SLC28A3: variants seen among roughly 807,000 people sequenced by gnomAD.
SLC28A3 encodes the protein concentrative Na(+)-nucleoside cotransporter 3.
A neutral mutation model predicts 84.2 loss-of-function variants in SLC28A3; 68 were observed. The observed-to-expected ratio is 0.81, with a 90% CI of 0.66 to 0.99. SLC28A3 has a LOEUF of 0.99. Among genes scored for constraint, SLC28A3 ranks in the 50% least tolerant of loss-of-function variants. SLC28A3 has a pLI of 0.00. For synonymous variants in SLC28A3, 267 were observed against 303.6 expected (o/e 0.88, Z 1.25); for missense variants, 712 against 841.5 (o/e 0.85, Z 1.90).
the SLC28A3 span, among the ~76,000 whole-genome samples, chr9:84,356,048 GGCTCAA>G: frequency 2.0e-5 from 3 of 151,924 alleles, no homozygotes; most frequent in South Asian, 6.2e-4. Context: ...CAAACTCTTG[GGCTCAA>G]GCAATCCGAC....
chr9:84,322,981 G>T (rs2118518178), intron 1 of SLC28A3, among the ~76,000 whole-genome samples: 1 of 152,338 alleles, frequency 6.6e-6, no homozygotes, highest in East Asian at 1.9e-4. Context: ...GGACAGCCAT[G>T]CTCTCCTGGG....
chr9:84,285,561 G>A lies in SLC28A3; in HGVS notation c.1450-19C>T. 6.2e-7 allele frequency: 1 copy of A among 1,613,556 alleles called. No homozygotes were observed. Among genetic ancestry groups the A allele is most frequent in the Non-Finnish European group, 8.5e-7 (1 of 1,179,586 alleles). ...AGATTAGCTACAGAAACCAAAAGTAGACACTTGATTAGAATAGTGATTTGC... is the reference window on the plus strand; with the variant it reads ...AGATTAGCTACAGAAACCAAAAGTAAACACTTGATTAGAATAGTGATTTGC... On this transcript the variant is annotated intron_variant, in intron 13 of 17. Coordinates refer to ENST00000376238, the MANE Select transcript of SLC28A3 (RefSeq NM_001199633.2).
rs1429969907 is a variant in SLC28A3 at position 84,280,902 on chromosome 9, C to T, written c.1648-20G>A. 9 of 1,611,332 alleles carry T rather than the reference C, an allele frequency of 5.6e-6. No individual in the cohort carries two copies. The highest frequency in any genetic ancestry group is 7.6e-6 in the Non-Finnish European group (9 of 1,177,986). On this transcript the variant is annotated intron_variant, in intron 14 of 17. Transcript: ENST00000376238. Reference sequence around the variant, plus strand: ...ACGAATCTGTAAGCAAGCATAAACACATATGTATACACAATCTGAGCTGGC... The same window carrying T: ...ACGAATCTGTAAGCAAGCATAAACATATATGTATACACAATCTGAGCTGGC...
intron 10 of SLC28A3, among the ~76,000 whole-genome samples, chr9:84,290,750 A>G (rs1273112521): frequency 6.6e-6 from 1 of 152,182 alleles, no homozygotes; most frequent in East Asian, 1.9e-4. Flanking sequence ...TTTCTAAGCC[A>G]CTGTGGCTTC....
chr9:84,346,394 A>G, the SLC28A3 span, among the ~76,000 whole-genome samples: 2 of 152,228 alleles, frequency 1.3e-5, no homozygotes, highest in African/African-American at 4.8e-5. Flanking sequence ...GTATTTCCAA[A>G]AGGAGTAAAG....
intron 4 of SLC28A3, among the ~76,000 whole-genome samples, chr9:84,304,185 A>G (rs539601180): frequency 1.3e-5 from 2 of 152,390 alleles, no homozygotes; most frequent in East Asian, 3.9e-4. Context: ...CTTTGTTACT[A>G]CAGTGGCAGA....
chr9:84,316,382 G>T (rs56226489), intron 1 of SLC28A3, among the ~76,000 whole-genome samples: 28,780 of 152,180 alleles, frequency 0.19, 2,897 homozygotes, highest in Admixed American at 0.24. Flanking sequence ...AGTAGAAAGG[G>T]TGCCCTGTTG....
At chr9:84,331,772 A>C (rs1056494446) in intron 1 of SLC28A3, among the ~76,000 whole-genome samples, 1 of 152,202 alleles carries the variant, frequency 6.6e-6, no homozygotes, top group Non-Finnish European at 1.5e-5. Flanking sequence ...TGTGTTAAAA[A>C]ACATTCCTGC....
rs1825550142 is a variant in SLC28A3, at chr9:84,299,666, T to A, written c.584A>T (p.Lys195Ile). 1 of 1,613,660 alleles carries A rather than the reference T, an allele frequency of 6.2e-7. No individual in the cohort carries two copies. The highest frequency in any genetic ancestry group is 8.5e-7 in the Non-Finnish European group (1 of 1,179,912). The change falls in exon 6 of 18, where the codon AAA becomes ATA. Residue 195 changes from lysine (K) to isoleucine (I), a missense_variant. Coordinates refer to ENST00000376238, the MANE Select transcript of SLC28A3 (RefSeq NM_001199633.2). ...VIFWLAFDTA[K>I]LGQQQLVSFG... is the part of the protein sequence containing the mutation. ...GGACACCAGCTGCTGTTGACCCAATTTGGCAGTGTCAAAGGCCAACCAGAA... is the reference window on the plus strand; with the variant it reads ...GGACACCAGCTGCTGTTGACCCAATATGGCAGTGTCAAAGGCCAACCAGAA...
chr9:84,295,353 G>A (rs1448762787), intron 8 of SLC28A3, among the ~76,000 whole-genome samples: 1 of 152,154 alleles, frequency 6.6e-6, no homozygotes, highest in African/African-American at 2.4e-5. Flanking sequence ...GGGATGCTGA[G>A]GCGGGCGGAT....
chr9:84,320,928 T>A (rs1253389026), intron 1 of SLC28A3, among the ~76,000 whole-genome samples: 3 of 145,618 alleles, frequency 2.1e-5, no homozygotes, highest in Non-Finnish European at 4.5e-5. Flanking sequence ...ATCGTGCCAC[T>A]GAACTCCAGC....
At chr9:84,287,584 G>T (rs189585150) in intron 12 of SLC28A3, among the ~76,000 whole-genome samples, 9 of 152,122 alleles carry the variant, frequency 5.9e-5, no homozygotes, top group Non-Finnish European at 1.0e-4. Flanking sequence ...TTTATGTCAA[G>T]TATTAAACAA....
In SLC28A3 at chr9:84,280,176, T is replaced by C. The variant is rs534320931; in HGVS notation, c.1730-103A>G. ...GAGGCTGGGCTCAGGTCAGCTGACT[T>C]TTTTTTTTTTTTCTTTAACTTAGCT... On this transcript the variant is annotated intron_variant, in intron 15 of 17. Coordinates refer to ENST00000376238, the MANE Select transcript of SLC28A3 (RefSeq NM_001199633.2). 9.7e-6 allele frequency: 8 copies of C among 822,284 alleles called. No individual in the cohort carries two copies. The East Asian group carries it at 1.6e-4, about 16-fold the overall frequency. The allele number at this position is 822,284 out of a possible 1,614,324, so 50.9% of individuals were successfully genotyped here. A position where few individuals can be genotyped will look rare whatever the true frequency, so the allele number is the denominator to read the frequency against.
chr9:84,279,150 G>C (rs1351136770), intron 17 of SLC28A3, 115 bp downstream of exon 17: 16 of 1,016,000 alleles, frequency 1.6e-5, no homozygotes, highest in Non-Finnish European at 2.0e-5. Context: ...TCCAGCCTGG[G>C]AGACAGAGCA....
At chr9:84,290,505 A>G (rs1039187313) in intron 10 of SLC28A3, among the ~76,000 whole-genome samples, 1 of 152,206 alleles carries the variant, frequency 6.6e-6, no homozygotes, top group East Asian at 1.9e-4. Context: ...TATTTTCACA[A>G]GCTTTCCGGG....
chr9:84,345,703 C>G (rs1225806554), upstream of SLC28A3, among the ~76,000 whole-genome samples: 2 of 152,118 alleles, frequency 1.3e-5, no homozygotes, highest in Non-Finnish European at 2.9e-5. Context: ...AAATTGACAC[C>G]TAATTAGAGT....
intron 10 of SLC28A3, among the ~76,000 whole-genome samples, chr9:84,291,300 C>T (rs1825210741): frequency 6.6e-6 from 1 of 152,064 alleles, no homozygotes; most frequent in South Asian, 2.1e-4. Flanking sequence ...GGGATGGGCC[C>T]CCACTCTAAA....
the SLC28A3 span, among the ~76,000 whole-genome samples, chr9:84,353,255 A>G: frequency 6.6e-6 from 1 of 152,234 alleles, no homozygotes. Flanking sequence ...TTGAGTTTAC[A>G]TATTTTAAGC....
chr9:84,338,883 G>A (rs960893326), intron 1 of SLC28A3, among the ~76,000 whole-genome samples: 9 of 152,040 alleles, frequency 5.9e-5, no homozygotes, highest in Non-Finnish European at 1.2e-4. Context: ...GAAAAAGAAA[G>A]CAGACACAGA....
Sources: gnomAD v4.1 joint callset for allele counts (sites outside exome capture counted in the v4.1 genomes callset) on GRCh38, gnomAD v4.1.1 for gene constraint, MANE v1.5 for transcripts, NCBI Gene and HGNC (gene_info 2026-07-23, HGNC 2026-07-21) for gene names.